Variants in CMIP observed in about 807,000 individuals in gnomAD.
CMIP encodes the protein C-Maf-inducing protein.
In CMIP, 13 loss-of-function variants were observed where a neutral mutation model predicts 97.3. The observed-to-expected ratio is 0.13, with a 90% CI of 0.09 to 0.21. The LOEUF (loss-of-function observed/expected upper bound fraction) is 0.21, where lower values mean the gene tolerates loss of function less well. Ranked by LOEUF, CMIP falls within the 10% of genes least tolerant of loss-of-function variation. CMIP has a pLI of 1.00. For synonymous variants in CMIP, 538 were observed against 436.3 expected, an observed-to-expected ratio of 1.23 and a Z score of -2.91; for missense variants, 847 against 1,024.9, an observed-to-expected ratio of 0.83 and a Z score of 2.37.
Position 81,604,351 on chromosome 16 carries a change from G to A in CMIP, c.301-3216G>A, listed in dbSNP as rs138069362. ...GCGGAAGTTGCAGTGAGCTGAGAATGCACCATTGTACTCCAGTCGGGGTGA... is the reference window on the plus strand; with the variant it reads ...GCGGAAGTTGCAGTGAGCTGAGAATACACCATTGTACTCCAGTCGGGGTGA... On this transcript the variant is annotated intron_variant, in intron 1 of 20. Coordinates refer to ENST00000537098, the MANE Select transcript of CMIP (RefSeq NM_198390.3). 6.7e-3 allele frequency among the ~76,000 whole-genome samples: 954 copies of A among 141,532 alleles called. 10 individuals are homozygous for A. The highest frequency in any genetic ancestry group is 0.024 in the African/African-American group (867 of 36,676). The allele number at this position is 141,532 out of a possible 152,430, so 92.9% of individuals were successfully genotyped here. A position where few individuals can be genotyped will look rare whatever the true frequency, so the allele number is the denominator to read the frequency against.
At chr16:81,553,810 C>T (rs2090708924) in intron 1 of CMIP, among the ~76,000 whole-genome samples, 1 of 152,252 alleles carries the variant, frequency 6.6e-6, no homozygotes, top group South Asian at 2.1e-4. Flanking sequence ...GCATGAGCTT[C>T]TAATTAGCAA....
In CMIP at chr16:81,707,039, C is replaced by T. The variant is rs769972626; in HGVS notation, c.2223C>T (p.Asn741=). The change falls in exon 20 of 21, where the codon AAC becomes AAT. Residue 741 remains asparagine (N), a synonymous_variant. Transcript: ENST00000537098. ...CCATGAAGAGTCTCTGCAGTTTAAACATGAACAGCACCAAGCTCTCAGCTG... is the reference window on the plus strand; with the variant it reads ...CCATGAAGAGTCTCTGCAGTTTAAATATGAACAGCACCAAGCTCTCAGCTG... ...LSSMKSLCSL[N]MNSTKLSADT... 5.0e-6 allele frequency: 8 copies of T among 1,613,704 alleles called. No homozygotes were observed. The highest frequency in any genetic ancestry group is 3.3e-5 in the Admixed American group (2 of 59,994).
chr16:81,557,615 A>G (rs1263275192), intron 1 of CMIP, among the ~76,000 whole-genome samples: 3 of 152,190 alleles, frequency 2.0e-5, no homozygotes, highest in Non-Finnish European at 4.4e-5. Flanking sequence ...CTACAGAAAA[A>G]ATGTTTTTAA....
At chr16:81,572,167 C>T (rs1007594758) in intron 1 of CMIP, among the ~76,000 whole-genome samples, 4 of 152,238 alleles carry the variant, frequency 2.6e-5, no homozygotes, top group South Asian at 2.1e-4. Flanking sequence ...TTCAGCTCCG[C>T]GTCTGAAGCA....
At chr16:81,542,931 G>A (rs934406833) in intron 1 of CMIP, among the ~76,000 whole-genome samples, 21 of 152,200 alleles carry the variant, frequency 1.4e-4, no homozygotes, top group Middle Eastern at 3.2e-3. Context: ...GAGAAGGAAC[G>A]GTTTACATTG....
At chr16:81,571,870 G>T (rs903732735) in intron 1 of CMIP, among the ~76,000 whole-genome samples, 5 of 152,198 alleles carry the variant, frequency 3.3e-5, no homozygotes, top group Non-Finnish European at 2.9e-5. Flanking sequence ...AACAAGGGTG[G>T]ATCTGTGCTT....
chr16:81,531,208 G>A (rs990954339), intron 1 of CMIP, among the ~76,000 whole-genome samples: 1 of 152,160 alleles, frequency 6.6e-6, no homozygotes, highest in Non-Finnish European at 1.5e-5. Context: ...GACACAGAGA[G>A]ACACACAGGG....
At position 81,621,067 on chromosome 16, in the gene CMIP, T is replaced by C. The variant is rs947960078; in HGVS notation, c.477+141T>C. ...AGCTGAGGAACTTTGTTCCCCTACCTAAGAGCCCCTGGCCCTTCGTCCTCT... is the reference window on the plus strand; with the variant it reads ...AGCTGAGGAACTTTGTTCCCCTACCCAAGAGCCCCTGGCCCTTCGTCCTCT... On this transcript the variant is annotated intron_variant, in intron 3 of 20. Coordinates refer to ENST00000537098, the MANE Select transcript of CMIP (RefSeq NM_198390.3). The surrounding 1 kb of genome is among the most constrained non-coding windows in gnomAD (Gnocchi z 4.1). 2.1e-6 allele frequency: 2 copies of C among 942,974 alleles called. No homozygotes were observed. Among genetic ancestry groups the C allele is most frequent in the Non-Finnish European group, 3.2e-6 (2 of 625,638 alleles). The allele number at this position is 942,974 out of a possible 1,614,324, so 58.4% of individuals were successfully genotyped here.
At chr16:81,524,023 C>T (rs960302766) in intron 1 of CMIP, among the ~76,000 whole-genome samples, 2 of 152,244 alleles carry the variant, frequency 1.3e-5, no homozygotes, top group Admixed American at 6.5e-5. Context: ...TTTCTGTGCT[C>T]CTTGGAGTAG....
At chr16:81,626,756 T>G (rs185715870) in intron 3 of CMIP, among the ~76,000 whole-genome samples, 9 of 142,200 alleles carry the variant, frequency 6.3e-5, no homozygotes, top group East Asian at 4.5e-4. Flanking sequence ...TGTGGGTGTG[T>G]GTGTGGTGTG....
chr16:81,499,606 C>A (rs1264497308), intron 1 of CMIP, among the ~76,000 whole-genome samples: 1 of 152,262 alleles, frequency 6.6e-6, no homozygotes, highest in African/African-American at 2.4e-5. Context: ...CACGTGCCCC[C>A]ATCCCAGCCT....
At chr16:81,618,065 G>A (rs904004060) in intron 2 of CMIP, among the ~76,000 whole-genome samples, 18 of 152,340 alleles carry the variant, frequency 1.2e-4, no homozygotes, top group African/African-American at 2.9e-4. Context: ...TCACATCCGC[G>A]TTATACCAAC....
chr16:81,485,552 G>A (rs2089301265), intron 1 of CMIP, among the ~76,000 whole-genome samples: 1 of 152,210 alleles, frequency 6.6e-6, no homozygotes, highest in South Asian at 2.1e-4. Context: ...AAGACTGGAG[G>A]TAATTTCTTA....
At chr16:81,636,071 GTGTGTT>G (rs1335333941) in intron 3 of CMIP, among the ~76,000 whole-genome samples, 6 of 128,638 alleles carry the variant, frequency 4.7e-5, no homozygotes, top group Non-Finnish European at 7.5e-5. Context: ...TGGGCTGGTT[GTGTGTT>G]TGTGTGTGTG....
intron 1 of CMIP, among the ~76,000 whole-genome samples, chr16:81,606,011 AC>A (rs1436729731): frequency 6.6e-6 from 1 of 152,080 alleles, no homozygotes; most frequent in Admixed American, 6.6e-5. Flanking sequence ...CTCTACCTCC[AC>A]CCCCATCACC....
chr16:81,506,855 A>ATT (rs1190215078), intron 1 of CMIP, among the ~76,000 whole-genome samples: 1 of 150,570 alleles, frequency 6.6e-6, no homozygotes, highest in South Asian at 2.1e-4. Context: ...CAGTGAGCTG[A>ATT]GATCACGCCA....
Position 81,652,238 on chromosome 16 carries a change from C to T in CMIP, c.513C>T (p.Asn171=), listed in dbSNP as rs745925109. ...ACAAATATAAGAAAGTGCTGAGTAA[C>T]CCAAGCCGCTGGGAAGTTGTCTTGA... ...KIYKYKKVLS[N]PSRWEVVLKE... is the part of the protein sequence containing the mutation. Residue 171 remains asparagine, a synonymous_variant, in exon 4 of 21, where the codon AAC becomes AAT. Transcript: ENST00000537098. This position sits in a 1 kb window ranked among gnomAD's most constrained non-coding sequence, Gnocchi z 5.2. The T allele has an allele frequency of 1.4e-5, 23 of 1,613,688 alleles. No individual in the cohort carries two copies. The highest frequency in any genetic ancestry group is 1.9e-5 in the Non-Finnish European group (23 of 1,179,654).
rs2091988437 is a variant in CMIP, at chr16:81,621,232, G to C, written c.477+306G>C. On this transcript the variant is annotated intron_variant, in intron 3 of 20. Coordinates refer to ENST00000537098, the MANE Select transcript of CMIP (RefSeq NM_198390.3). The surrounding 1 kb of genome is among the most constrained non-coding windows in gnomAD (Gnocchi z 4.1). ...TGAGGGCGACCCTGAGGGGAGTCCA[G>C]CCGGGGAGGCTGGACTTCAGGGGCT... The C allele has an allele frequency of 8.3e-6, 2 of 241,776 alleles. No individual in the cohort carries two copies. The highest frequency in any genetic ancestry group is 4.4e-5 in the African/African-American group (2 of 45,200). The allele number at this position is 241,776 out of a possible 1,614,324, so 15.0% of individuals were successfully genotyped here.
chr16:81,517,401 G>C (rs1421610336), intron 1 of CMIP, among the ~76,000 whole-genome samples: 2 of 152,266 alleles, frequency 1.3e-5, no homozygotes, highest in African/African-American at 4.8e-5. Flanking sequence ...ATGCATGACT[G>C]TGGAAAGATA....
Sources: gnomAD v4.1 joint callset for allele counts (sites outside exome capture counted in the v4.1 genomes callset) on GRCh38, gnomAD v4.1.1 for gene constraint, Gnocchi (gnomAD v3.1) non-coding constraint, MANE v1.5 for transcripts, NCBI Gene and HGNC (gene_info 2026-07-23, HGNC 2026-07-21) for gene names.